Variants in FAM53A observed in about 807,000 individuals in gnomAD.
FAM53A encodes family with sequence similarity 53 member A.
A neutral mutation model predicts 26.6 loss-of-function variants in FAM53A; 28 were observed. The observed-to-expected ratio is 1.05, with a 90% CI of 0.78 to 1.45. The LOEUF (loss-of-function observed/expected upper bound fraction) is 1.45. Among genes scored for constraint, FAM53A ranks in the 40% most tolerant of loss-of-function variants. FAM53A has a pLI of 0.00. For synonymous variants in FAM53A, 290 were observed against 253.1 expected, an observed-to-expected ratio of 1.15 and a Z score of -1.38; for missense variants, 650 against 575.8, an observed-to-expected ratio of 1.13 and a Z score of -1.32.
chr4:1,668,090 CTGTGTG>C (rs1332471525), intron 2 of FAM53A, among the ~76,000 whole-genome samples: 1 of 151,786 alleles, frequency 6.6e-6, no homozygotes, highest in African/African-American at 2.4e-5. Flanking sequence ...GCTCCAGCTT[CTGTGTG>C]TAAGTCAGCC....
chr4:1,607,167 CG>C, the FAM53A span, among the ~76,000 whole-genome samples: 1 of 152,074 alleles, frequency 6.6e-6, no homozygotes, highest in African/African-American at 2.4e-5. Flanking sequence ...TACAGGCATG[CG>C]CCACCACACC....
chr4:1,626,035 C>T (rs529856175), intron 1 of FAM53A, among the ~76,000 whole-genome samples: 26 of 152,284 alleles, frequency 1.7e-4, no homozygotes, highest in African/African-American at 5.8e-4. Flanking sequence ...TTTTTCCTGC[C>T]CCGACTCGGT....
intron 4 of FAM53A, among the ~76,000 whole-genome samples, chr4:1,653,504 C>A (rs1397753219): frequency 6.6e-6 from 1 of 152,194 alleles, no homozygotes; most frequent in African/African-American, 2.4e-5. Flanking sequence ...CCCCGTGGGG[C>A]CTGACACCCA....
At chr4:1,611,122 C>T in the FAM53A span, among the ~76,000 whole-genome samples, 1 of 152,216 alleles carries the variant, frequency 6.6e-6, no homozygotes. Flanking sequence ...CCCTGAGGTG[C>T]GTCTCAGCCG....
downstream of FAM53A, among the ~76,000 whole-genome samples, chr4:1,614,279 C>A (rs1003538289): frequency 1.6e-4 from 25 of 152,064 alleles, no homozygotes; most frequent in African/African-American, 6.0e-4. Context: ...GCCACACAGC[C>A]AAAGTCACGG....
chr4:1,674,879 C>G (rs1359639610), intron 1 of FAM53A, among the ~76,000 whole-genome samples: 1 of 152,196 alleles, frequency 6.6e-6, no homozygotes, highest in East Asian at 1.9e-4. Flanking sequence ...GTCCCTCCCC[C>G]TTGGCAGTTC....
chr4:1,601,392 A>G, the FAM53A span, among the ~76,000 whole-genome samples: 1 of 112,642 alleles, frequency 8.9e-6, no homozygotes, highest in Non-Finnish European at 2.2e-5. Context: ...TCCACCGTTC[A>G]CACAGGCCAG....
Position 1,655,149 on chromosome 4 carries a change from G to T in FAM53A, c.711C>A (p.Pro237=), listed in dbSNP as rs1216866707. ...ERLAGAGTPL[P]WASSSPTSTP... ...TGGACGTGGGGCTGCTGCTGGCCCA[G>T]GGCAGGGGAGTGCCCGCACCCGCGA... The change falls in exon 4 of 5, where the codon CCC becomes CCA. Residue 237 remains proline (P), a synonymous_variant. Transcript: ENST00000308132. 2 of 1,583,884 alleles carry T rather than the reference G, an allele frequency of 1.3e-6. No individual in the cohort carries two copies. The highest frequency in any genetic ancestry group is 4.6e-5 in the East Asian group (2 of 43,898).
At chr4:1,624,965 C>T (rs894833531) in intron 1 of FAM53A, among the ~76,000 whole-genome samples, 1 of 147,924 alleles carries the variant, frequency 6.8e-6, no homozygotes, top group Non-Finnish European at 1.5e-5. Context: ...CCCCACGTCC[C>T]GGCCCACGTG....
intron 1 of FAM53A, among the ~76,000 whole-genome samples, chr4:1,621,290 G>A (rs1349499893): frequency 1.3e-5 from 2 of 151,952 alleles, no homozygotes; most frequent in Non-Finnish European, 2.9e-5. Flanking sequence ...TTTTTTAGTA[G>A]AGACGGGGTT....
At chr4:1,582,327 C>T in the FAM53A span, among the ~76,000 whole-genome samples, 7 of 152,318 alleles carry the variant, frequency 4.6e-5, no homozygotes, top group African/African-American at 9.6e-5. Flanking sequence ...ACAGAGTCCA[C>T]GGCGTTCCTC....
intron 1 of FAM53A, among the ~76,000 whole-genome samples, chr4:1,679,579 G>A (rs181487299): frequency 2.7e-5 from 4 of 150,048 alleles, no homozygotes; most frequent in Non-Finnish European, 5.9e-5. Context: ...CCAGCTACTC[G>A]GGAGGCTGAG....
In FAM53A at chr4:1,659,142, C is replaced by T. The variant is rs975605683; in HGVS notation, c.76-1674G>A. 6.6e-6 allele frequency among the ~76,000 whole-genome samples: 1 copy of T among 152,234 alleles called. No homozygotes were observed. Among genetic ancestry groups the T allele is most frequent in the African/African-American group, 2.4e-5 (1 of 41,462 alleles). ...CGGGGTCCCACCTCAGCCAGCACGGCGGTGTGGAGCTGTGAGCACCCGGCC... is the reference window on the plus strand; with the variant it reads ...CGGGGTCCCACCTCAGCCAGCACGGTGGTGTGGAGCTGTGAGCACCCGGCC... On this transcript the variant is annotated intron_variant, in intron 2 of 4. Transcript: ENST00000308132. The surrounding 1 kb of genome is among the most constrained non-coding windows in gnomAD (Gnocchi z 5.2).
At chr4:1,644,339 GC>G (rs765923051) in intron 4 of FAM53A, 6 of 1,535,874 alleles carry the variant, frequency 3.9e-6, no homozygotes, top group Non-Finnish European at 4.4e-6. Flanking sequence ...GCACAGCTGT[GC>G]GGCTAGAGCG....
chr4:1,621,954 G>A (rs188399760), intron 1 of FAM53A, among the ~76,000 whole-genome samples: 61 of 152,274 alleles, frequency 4.0e-4, no homozygotes, highest in African/African-American at 1.4e-3. Flanking sequence ...GGACGGCACC[G>A]CATTCATGAA....
the FAM53A span, among the ~76,000 whole-genome samples, chr4:1,598,860 C>T: frequency 2.6e-5 from 4 of 152,256 alleles, no homozygotes; most frequent in Non-Finnish European, 5.9e-5. Context: ...CACAGCCCAG[C>T]TCCGGGGCTA....
chr4:1,656,858 A>G (rs1048371672), intron 3 of FAM53A, among the ~76,000 whole-genome samples: 2 of 152,080 alleles, frequency 1.3e-5, no homozygotes, highest in Non-Finnish European at 2.9e-5. Context: ...ACAGAGGGAG[A>G]TGCCCCTGGG....
At chr4:1,591,817 G>A in the FAM53A span, among the ~76,000 whole-genome samples, 1 of 152,190 alleles carries the variant, frequency 6.6e-6, no homozygotes, top group Non-Finnish European at 1.5e-5. Context: ...GGCCGCAGGA[G>A]GTCACCCTCC....
intron 1 of FAM53A, among the ~76,000 whole-genome samples, chr4:1,681,571 A>C (rs1715445028): frequency 1.4e-5 from 2 of 147,452 alleles, no homozygotes; most frequent in African/African-American, 2.5e-5. Context: ...GCCTAGGCTC[A>C]CTGCAGCCTC....
Sources: gnomAD v4.1 joint callset for allele counts (sites outside exome capture counted in the v4.1 genomes callset) on GRCh38, gnomAD v4.1.1 for gene constraint, Gnocchi (gnomAD v3.1) non-coding constraint, MANE v1.5 for transcripts, NCBI Gene and HGNC (gene_info 2026-07-23, HGNC 2026-07-21) for gene names.